Variants in STPG2 observed in about 807,000 individuals in gnomAD.
The protein encoded by STPG2 is sperm-tail PG-rich repeat-containing protein 2.
In STPG2, 56 loss-of-function variants were observed where a neutral mutation model predicts 54.2. The ratio of observed to expected loss-of-function variants is 1.03; its 90% CI spans 0.83 to 1.29. The LOEUF is 1.29. Among genes scored for constraint, STPG2 ranks in the 50% most tolerant of loss-of-function variants. The pLI, the probability that STPG2 is intolerant of heterozygous loss-of-function variation, is 0.00. For missense variants in STPG2, 596 were observed against 544.9 expected (o/e 1.09, Z -0.93); for synonymous variants, 200 against 181.8 (o/e 1.10, Z -0.81).
chr4:97,768,017 A>T (rs751955473), intron 9 of STPG2, among the ~76,000 whole-genome samples: 43 of 152,110 alleles, frequency 2.8e-4, no homozygotes, highest in Non-Finnish European at 4.7e-4. Context: ...AACACAAAAA[A>T]ATTAGCGGGC....
rs139079025 is a variant in STPG2 at position 97,524,007 on chromosome 4, G to A, written c.462+188692C>T. Reference sequence around the variant, plus strand: ...AGACCTGGGTTCAAGGGACATGGAAGATTTCTGAATGAAGAGACTTTTGCT... The same window carrying A: ...AGACCTGGGTTCAAGGGACATGGAAAATTTCTGAATGAAGAGACTTTTGCT... On this transcript the variant is annotated intron_variant, in intron 4 of 4. Transcript: ENST00000522676. 4.7e-3 allele frequency among the ~76,000 whole-genome samples: 715 copies of A among 152,038 alleles called. 8 individuals are homozygous for A. The highest frequency in any genetic ancestry group is 0.016 in the African/African-American group (669 of 41,530).
intron 9 of STPG2, among the ~76,000 whole-genome samples, chr4:97,739,424 A>C (rs1725140803): frequency 6.6e-6 from 1 of 152,192 alleles, no homozygotes; most frequent in African/African-American, 2.4e-5. Flanking sequence ...TGAATCCAGG[A>C]GCTGGTTTTT....
chr4:97,560,296 G>A (rs1732191576), intron 10 of STPG2, among the ~76,000 whole-genome samples: 1 of 152,106 alleles, frequency 6.6e-6, no homozygotes, highest in Non-Finnish European at 1.5e-5. Flanking sequence ...TGGCTAAATA[G>A]AAAATCTAAT....
At chr4:98,010,144 T>G (rs1735699325) in intron 5 of STPG2, among the ~76,000 whole-genome samples, 1 of 152,038 alleles carries the variant, frequency 6.6e-6, no homozygotes, top group South Asian at 2.1e-4. Context: ...CCTACTAACT[T>G]TTGGTTTTTT....
chr4:97,912,797 T>C (rs1271509035), intron 8 of STPG2, among the ~76,000 whole-genome samples: 5 of 152,220 alleles, frequency 3.3e-5, no homozygotes, highest in Non-Finnish European at 7.4e-5. Context: ...ATGCCATGCA[T>C]TGGCATTTTG....
At chr4:97,736,738 C>T (rs187762028) in intron 9 of STPG2, among the ~76,000 whole-genome samples, 1 of 152,210 alleles carries the variant, frequency 6.6e-6, no homozygotes, top group African/African-American at 2.4e-5. Flanking sequence ...CACCACAGCT[C>T]AAGGAGGCCT....
chr4:97,875,151 T>G (rs1252610158), intron 8 of STPG2, among the ~76,000 whole-genome samples: 1 of 152,018 alleles, frequency 6.6e-6, no homozygotes, highest in Non-Finnish European at 1.5e-5. Flanking sequence ...AAGACTGCCA[T>G]AAACGTTCAC....
intron 10 of STPG2, among the ~76,000 whole-genome samples, chr4:97,566,005 A>T (rs7687664): frequency 6.6e-6 from 1 of 152,220 alleles, no homozygotes; most frequent in South Asian, 2.1e-4. Context: ...AGGTTACTGC[A>T]GTCTTTTTGT....
chr4:97,511,570 A>C (rs1297402934), intron 4 of STPG2, among the ~76,000 whole-genome samples: 1 of 152,036 alleles, frequency 6.6e-6, no homozygotes, highest in Non-Finnish European at 1.5e-5. Flanking sequence ...AAACAACAAC[A>C]AAAAAACAGT....
intron 8 of STPG2, among the ~76,000 whole-genome samples, chr4:97,920,537 T>G (rs150604159): frequency 6.6e-6 from 1 of 152,256 alleles, no homozygotes; most frequent in East Asian, 1.9e-4. Flanking sequence ...GTGGATTCTC[T>G]GAGGTTCCTG....
intron 1 of STPG2, among the ~76,000 whole-genome samples, chr4:98,136,555 ATTAC>A (rs906828221): frequency 6.6e-6 from 1 of 151,762 alleles, no homozygotes; most frequent in Non-Finnish European, 1.5e-5. Flanking sequence ...CTGAATGCAT[ATTAC>A]TTTCACACCA....
intron 4 of STPG2, among the ~76,000 whole-genome samples, chr4:97,493,363 A>G (rs755843906): frequency 2.6e-5 from 4 of 151,570 alleles, no homozygotes; most frequent in Non-Finnish European, 4.4e-5. Context: ...TAACTAAAAC[A>G]TAATTAATAT....
chr4:97,715,179 T>C (rs555161698), intron 9 of STPG2, among the ~76,000 whole-genome samples: 2 of 152,198 alleles, frequency 1.3e-5, no homozygotes, highest in Non-Finnish European at 2.9e-5. Context: ...CAATTACATA[T>C]GCTATTGCTT....
At chr4:97,583,818 G>C (rs1045334421) in intron 10 of STPG2, among the ~76,000 whole-genome samples, 3 of 151,604 alleles carry the variant, frequency 2.0e-5, no homozygotes, top group Non-Finnish European at 4.4e-5. Context: ...AGTCCAACAG[G>C]AAAATATCAT....
chr4:97,451,401 AGAGAGGAGAG>A (rs951354911), intron 4 of STPG2, among the ~76,000 whole-genome samples: 1 of 151,962 alleles, frequency 6.6e-6, no homozygotes, highest in Non-Finnish European at 1.5e-5. Flanking sequence ...GGAGGGGAGA[AGAGAGGAGAG>A]GAGAGGAGAG....
At chr4:97,672,979 C>T (rs1722744538) in intron 10 of STPG2, among the ~76,000 whole-genome samples, 1 of 152,204 alleles carries the variant, frequency 6.6e-6, no homozygotes, top group African/African-American at 2.4e-5. Context: ...TTGTCCTGAA[C>T]CTGAGTAATG....
intron 8 of STPG2, among the ~76,000 whole-genome samples, chr4:97,938,103 C>T (rs1285985160): frequency 6.6e-6 from 1 of 152,110 alleles, no homozygotes; most frequent in Non-Finnish European, 1.5e-5. Context: ...GGAGTTCCTG[C>T]AGGGAGGCCT....
At position 97,483,127 on chromosome 4, in the gene STPG2, A is replaced by G. The variant is rs184793709; in HGVS notation, c.462+229572T>C. On this transcript the variant is annotated intron_variant, in intron 4 of 4. Transcript: ENST00000522676. The stretch of plus-strand genomic sequence containing the variant: ...CTCTTTAAAGCATAAATCAGACAGG[A>G]CCTATAAAGCAAAAATACAATTTGA... Among the ~76,000 whole-genome samples, 277 of 151,846 alleles carry G rather than the reference A, an allele frequency of 1.8e-3. 1 individual carries two copies. Among genetic ancestry groups the G allele is most frequent in the African/African-American group, 6.4e-3 (264 of 41,506 alleles).
chr4:97,498,481 TA>T (rs1730656924), intron 4 of STPG2, among the ~76,000 whole-genome samples: 1 of 151,916 alleles, frequency 6.6e-6, no homozygotes, highest in Non-Finnish European at 1.5e-5. Context: ...TATTTAATTA[TA>T]AAAGCTTTTA....
Sources: allele counts gnomAD v4.1 joint callset (sites outside exome capture counted in the v4.1 genomes callset), GRCh38; gene constraint gnomAD v4.1.1; transcripts MANE v1.5; gene names NCBI Gene and HGNC (gene_info 2026-07-23, HGNC 2026-07-21).